SFMBT2: variants seen among roughly 807,000 people sequenced by gnomAD.
The protein encoded by SFMBT2 is scm-like with four MBT domains protein 2.
A neutral mutation model predicts 110.1 loss-of-function variants in SFMBT2; 38 were observed. That is an observed-to-expected ratio of 0.35 (90% confidence interval 0.27 to 0.45). SFMBT2 has a LOEUF of 0.45. Ranked by LOEUF, SFMBT2 falls within the 20% of genes least tolerant of loss-of-function variation. SFMBT2 has a pLI of 1.00. For missense variants in SFMBT2, 1,011 were observed against 1,094.9 expected (o/e 0.92, Z 1.08); for synonymous variants, 425 against 425.4 (o/e 1.00, Z 0.01).
chr10:7,171,969 C>T lies in SFMBT2; in HGVS notation c.2341G>A (p.Gly781Ser). The T allele has an allele frequency of 2.6e-6, 4 of 1,512,538 alleles. No individual in the cohort carries two copies. The highest frequency in any genetic ancestry group is 3.5e-6 in the Non-Finnish European group (4 of 1,133,468). The allele number at this position is 1,512,538 out of a possible 1,614,324, so 93.7% of individuals were successfully genotyped here. A position where few individuals can be genotyped will look rare whatever the true frequency, so the allele number is the denominator to read the frequency against. ...GAGGAGGCAGCCGGCGCCCCGCGGC[C>T]CCTTCGTGTCCTCTCTGGGGGTGGC... is the stretch of plus-strand genomic sequence containing the variant. ...RRPPPERTRR[G>S]RGAPAASSAE... The change falls in exon 19 of 21, where the codon GGC becomes AGC. Residue 781 changes from glycine (G) to serine (S), a missense_variant. By Grantham distance (56) the Gly-to-Ser change is moderately conservative (BLOSUM62 0). This residue lies in a region of SFMBT2 where 979 missense variants were observed against 1,016.1 expected (regional missense o/e 0.96). Coordinates refer to ENST00000397167, the MANE Select transcript of SFMBT2 (RefSeq NM_001387889.1). This position sits in a 1 kb window ranked among gnomAD's most constrained non-coding sequence, Gnocchi z 4.9.
chr10:7,361,194 T>C (rs531770820), intron 4 of SFMBT2, among the ~76,000 whole-genome samples: 59 of 152,346 alleles, frequency 3.9e-4, no homozygotes, highest in African/African-American at 1.3e-3. Context: ...ATTTTCTTAT[T>C]GATAAACAAA....
rs568614165 is a variant in SFMBT2, at chr10:7,212,419, T to C, written c.1331-6491A>G. ...TGTAAAAACATGGTGCTTTGTCAGG[T>C]GCACGGAGAGGAACAGAGCCCTGTG... On this transcript the variant is annotated intron_variant, in intron 11 of 20. Coordinates refer to ENST00000397167, the MANE Select transcript of SFMBT2 (RefSeq NM_001387889.1). Among the ~76,000 whole-genome samples, 11 of 152,310 alleles carry C rather than the reference T, an allele frequency of 7.2e-5. No homozygotes were observed. In the South Asian group the frequency reaches 2.3e-3, roughly 32 times the overall value.
At chr10:7,366,844 G>C (rs915657951) in intron 4 of SFMBT2, among the ~76,000 whole-genome samples, 2 of 152,166 alleles carry the variant, frequency 1.3e-5, no homozygotes, top group African/African-American at 4.8e-5. Context: ...TGCATTGCGG[G>C]GGTTTAGCAT....
intron 3 of SFMBT2, among the ~76,000 whole-genome samples, chr10:7,369,601 T>G (rs1469536245): frequency 2.0e-5 from 3 of 152,208 alleles, no homozygotes; most frequent in African/African-American, 7.2e-5. Flanking sequence ...TTATGGTTAG[T>G]TCCTCTAATC....
At chr10:7,388,657 T>C (rs1184260337) in intron 1 of SFMBT2, among the ~76,000 whole-genome samples, 4 of 150,750 alleles carry the variant, frequency 2.7e-5, no homozygotes, top group Non-Finnish European at 4.4e-5. Flanking sequence ...ATTATAGACA[T>C]GAGCCACCAC....
intron 9 of SFMBT2, among the ~76,000 whole-genome samples, chr10:7,239,131 T>TA (rs1308904265): frequency 6.6e-6 from 1 of 152,186 alleles, no homozygotes; most frequent in East Asian, 1.9e-4. Flanking sequence ...TATTTGCATA[T>TA]ATTTCTCCTA....
intron 12 of SFMBT2, 181 bp from the exon 13 acceptor site, chr10:7,202,703 C>G (rs1307994190): frequency 5.1e-6 from 5 of 985,286 alleles, no homozygotes; most frequent in African/African-American, 1.7e-5. Flanking sequence ...TAGACGTTAA[C>G]TCACCAGATG....
intron 4 of SFMBT2, among the ~76,000 whole-genome samples, chr10:7,347,612 T>C (rs1458077224): frequency 2.0e-5 from 3 of 152,218 alleles, no homozygotes; most frequent in African/African-American, 2.4e-5. Context: ...TGTTTGAACA[T>C]AGTATTCACA....
At chr10:7,333,048 G>A (rs1843611294) in intron 4 of SFMBT2, among the ~76,000 whole-genome samples, 1 of 152,034 alleles carries the variant, frequency 6.6e-6, no homozygotes, top group Non-Finnish European at 1.5e-5. Context: ...TGTACTTTTA[G>A]TAGAGATGGG....
At chr10:7,375,795 AC>A (rs1845188597) in intron 2 of SFMBT2, among the ~76,000 whole-genome samples, 3 of 144,864 alleles carry the variant, frequency 2.1e-5, no homozygotes, top group South Asian at 2.2e-4. Context: ...ACACACACAC[AC>A]ACACAAATCA....
intron 10 of SFMBT2, among the ~76,000 whole-genome samples, chr10:7,224,555 A>G (rs143501514): frequency 0.016 from 2,468 of 152,160 alleles, 33 homozygotes; most frequent in Admixed American, 0.021. Flanking sequence ...AAATGGGACA[A>G]TTCTCCCATG....
chr10:7,295,345 C>G (rs1842377236), intron 4 of SFMBT2: 1 of 152,266 alleles, frequency 6.6e-6, no homozygotes, highest in African/African-American at 2.4e-5. Flanking sequence ...CCCACTGTGT[C>G]CAAAACCACA....
At chr10:7,296,651 G>A (rs1391961255) in intron 4 of SFMBT2, among the ~76,000 whole-genome samples, 1 of 152,218 alleles carries the variant, frequency 6.6e-6, no homozygotes, top group Non-Finnish European at 1.5e-5. Context: ...CAGTATTTAG[G>A]TTGCTGTCTG....
rs764649115 is a variant in SFMBT2 at position 7,248,531 on chromosome 10, G to A, written c.972+17C>T. 1.0e-5 allele frequency: 16 copies of A among 1,606,612 alleles called. No homozygotes were observed. The highest frequency in any genetic ancestry group is 6.7e-5 in the Admixed American group (4 of 59,988). ...CACTCTAGGGGCTGGGTCGAAGAGCGAGGGAGGAAAACCCACCTTAGTCAC... is the reference window on the plus strand; with the variant it reads ...CACTCTAGGGGCTGGGTCGAAGAGCAAGGGAGGAAAACCCACCTTAGTCAC... On this transcript the variant is annotated intron_variant, in intron 8 of 20. Transcript: ENST00000397167.
chr10:7,371,062 T>C (rs1845050496), intron 2 of SFMBT2, among the ~76,000 whole-genome samples: 1 of 152,272 alleles, frequency 6.6e-6, no homozygotes, highest in South Asian at 2.1e-4. Flanking sequence ...TAAAGAGAAA[T>C]ACAATCAAAT....
intron 11 of SFMBT2, chr10:7,215,663 T>C: frequency 9.1e-6 from 9 of 985,428 alleles, no homozygotes; most frequent in Non-Finnish European, 1.1e-5. Context: ...CACAGAACCC[T>C]GCAGGGAGGA....
intron 9 of SFMBT2, among the ~76,000 whole-genome samples, chr10:7,237,806 T>C (rs981307297): frequency 6.6e-6 from 1 of 152,194 alleles, no homozygotes; most frequent in Non-Finnish European, 1.5e-5. Context: ...AGGTCTGTGA[T>C]ATACTGCAGG....
At chr10:7,319,810 GAGAGAGAGAC>G (rs537342635) in intron 4 of SFMBT2, among the ~76,000 whole-genome samples, 119 of 148,238 alleles carry the variant, frequency 8.0e-4, no homozygotes, top group Middle Eastern at 3.5e-3. Context: ...GACAGAGACT[GAGAGAGAGAC>G]AGAGAGAGAC....
chr10:7,359,738 G>C (rs758616284), intron 4 of SFMBT2, among the ~76,000 whole-genome samples: 24 of 152,076 alleles, frequency 1.6e-4, no homozygotes, highest in Non-Finnish European at 2.9e-4. Context: ...CGCCAAAAAA[G>C]ACAAATTGGA....
Sources: gnomAD v4.1 joint callset for allele counts (sites outside exome capture counted in the v4.1 genomes callset) on GRCh38, gnomAD v4.1.1 for gene constraint, gnomAD v4.1.1 regional missense constraint, Gnocchi (gnomAD v3.1) non-coding constraint, MANE v1.5 for transcripts, NCBI Gene and HGNC (gene_info 2026-07-23, HGNC 2026-07-21) for gene names.